Variants in ANTXR2 observed in about 807,000 individuals in gnomAD.
The protein encoded by ANTXR2 is ANTXR cell adhesion molecule 2.
ANTXR2 carries 44 observed loss-of-function variants against 73.7 expected under a neutral mutation model. The observed-to-expected ratio is 0.60, with a 90% CI of 0.47 to 0.77. The LOEUF (loss-of-function observed/expected upper bound fraction) is 0.77, where lower values mean the gene tolerates loss of function less well. ANTXR2 is among the 30% of genes least tolerant of loss of function. ANTXR2 has a pLI of 0.00. For synonymous variants in ANTXR2, 217 were observed against 205.9 expected, an observed-to-expected ratio of 1.05 and a Z score of -0.46; for missense variants, 604 against 592.5, an observed-to-expected ratio of 1.02 and a Z score of -0.20.
intron 9 of ANTXR2, among the ~76,000 whole-genome samples, chr4:80,032,348 T>C (rs1420249457): frequency 1.3e-5 from 2 of 151,828 alleles, no homozygotes; most frequent in Admixed American, 1.3e-4. Flanking sequence ...AACTCAAATA[T>C]GTAATCAAAA....
chr4:79,960,010 G>A (rs564219059), intron 16 of ANTXR2, among the ~76,000 whole-genome samples: 4 of 152,250 alleles, frequency 2.6e-5, no homozygotes, highest in African/African-American at 9.6e-5. Context: ...TGTATGCTAC[G>A]TATGTAAACA....
intron 3 of ANTXR2, among the ~76,000 whole-genome samples, chr4:80,067,942 A>G (rs1734584644): frequency 6.6e-6 from 1 of 152,236 alleles, no homozygotes; most frequent in South Asian, 2.1e-4. Context: ...TTACCTATGT[A>G]ACAAACCTGC....
At chr4:79,926,020 C>T (rs1224954742) in intron 16 of ANTXR2, among the ~76,000 whole-genome samples, 1 of 152,010 alleles carries the variant, frequency 6.6e-6, no homozygotes, top group African/African-American at 2.4e-5. Context: ...ACAATGACTT[C>T]AATGTTGTAT....
At chr4:79,925,401 A>T (rs1397013564) in intron 16 of ANTXR2, among the ~76,000 whole-genome samples, 1 of 152,026 alleles carries the variant, frequency 6.6e-6, no homozygotes, top group Admixed American at 6.6e-5. Context: ...TGTTTAAAAC[A>T]GAGCATACGG....
intron 12 of ANTXR2, among the ~76,000 whole-genome samples, chr4:80,000,366 C>T (rs574273518): frequency 6.6e-6 from 1 of 152,080 alleles, no homozygotes; most frequent in South Asian, 2.1e-4. Flanking sequence ...GAATTTTTTA[C>T]TATAACTAGC....
At chr4:79,945,806 C>T (rs1035595884) in intron 16 of ANTXR2, among the ~76,000 whole-genome samples, 1 of 152,012 alleles carries the variant, frequency 6.6e-6, no homozygotes, top group Non-Finnish European at 1.5e-5. Flanking sequence ...TCACAATATG[C>T]CCTACTTTAA....
At chr4:80,051,840 T>C (rs1733786049) in intron 7 of ANTXR2, among the ~76,000 whole-genome samples, 1 of 151,728 alleles carries the variant, frequency 6.6e-6, no homozygotes, top group African/African-American at 2.4e-5. Context: ...TAATCTTTGC[T>C]ATTAAGAAAT....
At chr4:79,978,954 C>A (rs955990989) in intron 14 of ANTXR2, among the ~76,000 whole-genome samples, 1 of 152,012 alleles carries the variant, frequency 6.6e-6, no homozygotes, top group African/African-American at 2.4e-5. Flanking sequence ...GCCTTTAGTT[C>A]CCAAGCTCAT....
chr4:80,071,641 C>A lies in ANTXR2; in HGVS notation c.166G>T (p.Ala56Ser). ...YFVLDKSGSV[A>S]NNWIEIYNFV... ...TTATAAATTTCAATCCAGTTATTTG[C>A]CACACTCCCAGACCTGAAAGATGAA... Residue 56 changes from alanine to serine, a missense_variant, in exon 2 of 17, where the codon GCA (alanine) becomes TCA (serine). Coordinates refer to ENST00000403729, the MANE Select transcript of ANTXR2 (RefSeq NM_058172.6). 6.2e-7 allele frequency: 1 copy of A among 1,612,078 alleles called. No individual in the cohort carries two copies. The highest frequency in any genetic ancestry group is 8.5e-7 in the Non-Finnish European group (1 of 1,178,294).
chr4:80,024,673 G>A (rs998031194), intron 10 of ANTXR2: 2 of 452,278 alleles, frequency 4.4e-6, no homozygotes, highest in African/African-American at 4.0e-5. Flanking sequence ...GAAGTAGGAG[G>A]ATCACCTGAG....
At chr4:80,001,794 C>T (rs946134606) in intron 12 of ANTXR2, among the ~76,000 whole-genome samples, 4 of 151,230 alleles carry the variant, frequency 2.6e-5, no homozygotes, top group African/African-American at 4.9e-5. Context: ...ATCCCTTTAC[C>T]GTTATGTAAT....
At chr4:80,004,958 GA>G (rs1174911721) in intron 12 of ANTXR2, among the ~76,000 whole-genome samples, 1 of 152,004 alleles carries the variant, frequency 6.6e-6, no homozygotes, top group Non-Finnish European at 1.5e-5. Flanking sequence ...AAAAAAACCT[GA>G]GAATCTCTGT....
chr4:80,069,077 T>C (rs1734658192), intron 3 of ANTXR2, among the ~76,000 whole-genome samples: 1 of 152,150 alleles, frequency 6.6e-6, no homozygotes, highest in Admixed American at 6.5e-5. Context: ...ATCCATATCT[T>C]TCTCCCCCTC....
chr4:79,933,895 C>G (rs1050513041), intron 16 of ANTXR2, among the ~76,000 whole-genome samples: 3 of 151,730 alleles, frequency 2.0e-5, no homozygotes, highest in Non-Finnish European at 4.4e-5. Context: ...ACACCACGCC[C>G]GGCTAATTTT....
chr4:79,925,657 C>T (rs188362123), intron 16 of ANTXR2, among the ~76,000 whole-genome samples: 1 of 152,204 alleles, frequency 6.6e-6, no homozygotes, highest in East Asian at 1.9e-4. Flanking sequence ...TCAAGAGAGT[C>T]ATTCTCTTTG....
At chr4:80,015,817 TGAGGGAGG>T (rs1222772048) in intron 11 of ANTXR2, among the ~76,000 whole-genome samples, 36 of 115,864 alleles carry the variant, frequency 3.1e-4, no homozygotes, top group African/African-American at 1.0e-3. Context: ...AAGGATGGAA[TGAGGGAGG>T]GAGGGAGGGA....
intron 16 of ANTXR2, among the ~76,000 whole-genome samples, chr4:79,950,303 C>T (rs1396830681): frequency 6.6e-6 from 1 of 152,034 alleles, no homozygotes; most frequent in African/African-American, 2.4e-5. Flanking sequence ...ATACAATGGC[C>T]CTTAAGACCC....
intron 10 of ANTXR2, among the ~76,000 whole-genome samples, chr4:80,029,495 C>A (rs2110079690): frequency 6.6e-6 from 1 of 152,074 alleles, no homozygotes; most frequent in African/African-American, 2.4e-5. Context: ...ATTCATTCAT[C>A]CTTTTATCCA....
chr4:80,067,715 A>T (rs1450915394), intron 3 of ANTXR2, among the ~76,000 whole-genome samples: 2 of 152,212 alleles, frequency 1.3e-5, no homozygotes, highest in Non-Finnish European at 2.9e-5. Context: ...ACAAGAAAGT[A>T]AGGAGGGCCA....
Sources: allele counts gnomAD v4.1 joint callset (sites outside exome capture counted in the v4.1 genomes callset), GRCh38; gene constraint gnomAD v4.1.1; transcripts MANE v1.5; gene names NCBI Gene and HGNC (gene_info 2026-07-23, HGNC 2026-07-21).